Variants in PANK2 observed in about 807,000 individuals in gnomAD.
PANK2 encodes the protein pantothenate kinase 2.
A neutral mutation model predicts 43.1 loss-of-function variants in PANK2; 36 were observed. The ratio of observed to expected loss-of-function variants is 0.84; its 90% CI spans 0.64 to 1.10. The LOEUF (loss-of-function observed/expected upper bound fraction) is 1.10, where lower values mean the gene tolerates loss of function less well. PANK2 is among the 50% of genes least tolerant of loss of function. The pLI is 0.00. For synonymous variants in PANK2, 281 were observed against 238.2 expected, an observed-to-expected ratio of 1.18 and a Z score of -1.66; for missense variants, 576 against 593.3, an observed-to-expected ratio of 0.97 and a Z score of 0.30.
intron 5 of PANK2, 122 bp downstream of exon 5, chr20:3,917,172 G>A (rs1339443760): frequency 3.1e-6 from 4 of 1,293,100 alleles, no homozygotes; most frequent in Non-Finnish European, 4.4e-6. Context: ...GTTTGTTTTA[G>A]CACGAAGTTA....
At chr20:3,910,917 A>G in intron 3 of PANK2, 87 bp downstream of exon 3, 1 of 1,490,294 alleles carries the variant, frequency 6.7e-7, no homozygotes, top group Non-Finnish European at 9.3e-7. Flanking sequence ...ACCTTCAAGA[A>G]CCTGTTAGGT....
At position 3,912,512 on chromosome 20, in the gene PANK2, T is replaced by C. The variant is rs149583615; in HGVS notation, c.960T>C (p.Thr320=). Residue 320 remains threonine, a synonymous_variant, in exon 4 of 7, where the codon ACT becomes ACC. Transcript: ENST00000610179. ...GCTGTCTTCTTACTGGCTGTACCAC[T>C]TTTGAAGAAGCTCTTGAAATGGCAT... The C allele has an allele frequency of 2.9e-4, 474 of 1,614,234 alleles. 5 individuals are homozygous for C. In the African/African-American group the frequency reaches 5.5e-3, roughly 19 times the overall value.
intron 1 of PANK2, among the ~76,000 whole-genome samples, chr20:3,899,154 G>A (rs1198505520): frequency 6.6e-6 from 1 of 150,442 alleles, no homozygotes. Flanking sequence ...GATTACAGGC[G>A]TGAGCCACCG....
chr20:3,905,292 C>T (rs1008369887), intron 1 of PANK2, among the ~76,000 whole-genome samples: 1 of 151,784 alleles, frequency 6.6e-6, no homozygotes, highest in Non-Finnish European at 1.5e-5. Flanking sequence ...TAGCATTCCT[C>T]TTTTGAGGCT....
At chr20:3,906,063 G>A (rs1208420108) in intron 1 of PANK2, among the ~76,000 whole-genome samples, 1 of 152,086 alleles carries the variant, frequency 6.6e-6, no homozygotes, top group Non-Finnish European at 1.5e-5. Flanking sequence ...GGGAGGGGAA[G>A]CATGTACAGA....
chr20:3,889,369 G>T, upstream of PANK2: 3 of 1,575,746 alleles, frequency 1.9e-6, no homozygotes, highest in Non-Finnish European at 2.6e-6. Flanking sequence ...AGAGGCGGCC[G>T]GCCGAGGGCG....
rs1366575754 is a variant in PANK2, at chr20:3,908,001, C to T, written c.374C>T (p.Ala125Val). ...TATTTTGAACCCAAAGACATCACTG[C>T]TGAAGAAGAAGAGGAAGAAGTGGAA... is the stretch of plus-strand genomic sequence containing the variant. The change falls in exon 2 of 7, where the codon GCT becomes GTT. Residue 125 changes from alanine (A) to valine (V), a missense_variant. Ala to Val is a moderately conservative substitution (Grantham distance 64, BLOSUM62 0). Coordinates refer to ENST00000610179, the MANE Select transcript of PANK2 (RefSeq NM_001386393.1). The T allele has an allele frequency of 6.2e-7, 1 of 1,614,066 alleles. No individual in the cohort carries two copies. The highest frequency in any genetic ancestry group is 1.7e-5 in the Admixed American group (1 of 59,992).
intron 1 of PANK2, 53 bp from the exon 2 acceptor site, chr20:3,907,873 A>T: frequency 3.3e-6 from 5 of 1,506,316 alleles, no homozygotes; most frequent in Non-Finnish European, 2.8e-6. Context: ...TGGTAAGGGT[A>T]AATTTAATTT....
In PANK2 at chr20:3,927,493, G is replaced by A. The variant is rs550096047; in HGVS notation, c.*4199G>A. The A allele has an allele frequency of 5.6e-4, 86 of 152,282 alleles. No individual in the cohort carries two copies. The highest frequency in any genetic ancestry group is 2.0e-3 in the African/African-American group (82 of 41,568). 9.4% of individuals were successfully genotyped at this position (152,282 alleles called of 1,614,324 possible). On this transcript the variant is annotated 3_prime_UTR_variant, in exon 7 of 7. Coordinates refer to ENST00000610179, the MANE Select transcript of PANK2 (RefSeq NM_001386393.1). ...TGCAGAATTTTTAGTGTACAAAGAC[G>A]TCTATGAAACCTGAGGTTCAGCATT...
At chr20:3,920,138 A>C (rs1600575912) in intron 6 of PANK2, among the ~76,000 whole-genome samples, 1 of 151,968 alleles carries the variant, frequency 6.6e-6, no homozygotes, top group Non-Finnish European at 1.5e-5. Context: ...CGAATGTTAG[A>C]TCTTTTTCTG....
At position 3,914,719 on chromosome 20, in the gene PANK2, C is replaced by A. The variant is rs1207562599; in HGVS notation, c.1082+2085C>A. On this transcript the variant is annotated intron_variant, in intron 4 of 6. Coordinates refer to ENST00000610179, the MANE Select transcript of PANK2 (RefSeq NM_001386393.1). ...GGTTTTAGTGATTCTTCTGCTTCAC[C>A]TCGCAAGTAGCTGGGATTACAGGCA... is the stretch of plus-strand genomic sequence containing the variant. Among the ~76,000 whole-genome samples the A allele has an allele frequency of 3.9e-5, 6 of 152,112 alleles. No homozygotes were observed. The East Asian group carries it at 1.2e-3, about 29-fold the overall frequency.
chr20:3,889,436 G>A lies in PANK2; in HGVS notation c.6G>A (p.Gly2=), dbSNP rs1337186041. ...AGGCGAGAAGGAATCCGACGCTGGG[G>A]GGCTTGCTCGGGCGGCAGCGACTGC... The change falls in exon 1 of 7, where the codon GGG becomes GGA. Residue 2 remains glycine (G), a synonymous_variant. Coordinates refer to ENST00000610179, the MANE Select transcript of PANK2 (RefSeq NM_001386393.1). 5 of 1,557,220 alleles carry A rather than the reference G, an allele frequency of 3.2e-6. No individual in the cohort carries two copies. The highest frequency in any genetic ancestry group is 4.3e-6 in the Non-Finnish European group (5 of 1,157,364).
At position 3,910,810 on chromosome 20, in the gene PANK2, C is replaced by G. The variant is rs1258656410; in HGVS notation, c.885C>G (p.Tyr295Ter). The G allele has an allele frequency of 6.2e-7, 1 of 1,614,040 alleles. No individual in the cohort carries two copies. The highest frequency in any genetic ancestry group is 8.5e-7 in the Non-Finnish European group (1 of 1,180,026). Residue 295 changes from tyrosine (Y) to a stop codon, truncating the protein, a stop_gained, in exon 3 of 7, where the codon TAC (tyrosine) becomes TAG (stop). Coordinates refer to ENST00000610179, the MANE Select transcript of PANK2 (RefSeq NM_001386393.1). LOFTEE classifies it high-confidence loss of function. Reference sequence around the variant, plus strand: ...TAGCAGTATATTCCAAAGATAATTACAAACGGGTCACAGGTACTAGGTAAG... The same window carrying G: ...TAGCAGTATATTCCAAAGATAATTAGAAACGGGTCACAGGTACTAGGTAAG...
Position 3,923,363 on chromosome 20 carries a change from A to G in PANK2, c.*69A>G. On this transcript the variant is annotated 3_prime_UTR_variant, in exon 7 of 7. Transcript: ENST00000610179. ...CTGTGGACTTTCATTTTTTTAAGAG[A>G]CTTACTCAATTTCATGACTGTACTA... 2 of 1,506,538 alleles carry G rather than the reference A, an allele frequency of 1.3e-6. No individual in the cohort carries two copies. The highest frequency in any genetic ancestry group is 3.3e-5 in the Admixed American group (2 of 59,718). 93.3% of individuals were successfully genotyped at this position (1,506,538 alleles called of 1,614,324 possible).
rs71647862 is a variant in PANK2, at chr20:3,923,863, G to C, written c.*569G>C. The C allele has an allele frequency of 6.4e-6, 1 of 156,750 alleles. No individual in the cohort carries two copies. The allele number at this position is 156,750 out of a possible 1,614,324, so 9.7% of individuals were successfully genotyped here. A position where few individuals can be genotyped will look rare whatever the true frequency, so the allele number is the denominator to read the frequency against. ...GCAGTTTTTGGAAGGGCAGTTCCAC[G>C]TTACTTTACACTAAATCCTGGGAAT... On this transcript the variant is annotated 3_prime_UTR_variant, in exon 7 of 7. Transcript: ENST00000610179.
chr20:3,915,502 T>G (rs2090545005), intron 4 of PANK2, among the ~76,000 whole-genome samples: 1 of 152,156 alleles, frequency 6.6e-6, no homozygotes, highest in Non-Finnish European at 1.5e-5. Context: ...TTCACCATAT[T>G]GTCCAGGATG....
chr20:3,902,553 A>G (rs551577703), intron 1 of PANK2, among the ~76,000 whole-genome samples: 1 of 149,196 alleles, frequency 6.7e-6, no homozygotes, highest in African/African-American at 2.5e-5. Context: ...TGCTAGGATT[A>G]CAAGCATGAG....
chr20:3,921,066 TTTTA>T (rs1165881732), intron 6 of PANK2, among the ~76,000 whole-genome samples: 1 of 152,204 alleles, frequency 6.6e-6, no homozygotes, highest in Non-Finnish European at 1.5e-5. Context: ...TATTTTATTT[TTTTA>T]TTTAAGTTCT....
At chr20:3,921,613 G>A (rs912768662) in intron 6 of PANK2, 15 of 152,162 alleles carry the variant, frequency 9.9e-5, no homozygotes, top group African/African-American at 3.6e-4. Context: ...TTTCAGCTGT[G>A]CCTTGTCCTG....
Sources: gnomAD v4.1 joint callset for allele counts (sites outside exome capture counted in the v4.1 genomes callset) on GRCh38, gnomAD v4.1.1 for gene constraint, MANE v1.5 for transcripts, NCBI Gene and HGNC (gene_info 2026-07-23, HGNC 2026-07-21) for gene names.